Variants in ATPAF1 observed in about 807,000 individuals in gnomAD.
ATPAF1 encodes homolog of yeast ATP11.
Under a neutral mutation model 43.9 loss-of-function variants are expected in ATPAF1, and 26 were observed. The ratio of observed to expected loss-of-function variants is 0.59; its 90% CI spans 0.43 to 0.82. ATPAF1 has a LOEUF of 0.82. Among genes scored for constraint, ATPAF1 ranks in the 40% least tolerant of loss-of-function variants. The pLI, the probability that ATPAF1 is intolerant of heterozygous loss-of-function variation, is 0.00. For synonymous variants in ATPAF1, 157 were observed against 168.0 expected (o/e 0.93, Z 0.50); for missense variants, 366 against 435.0 (o/e 0.84, Z 1.41).
chr1:46,643,448 G>A (rs866190163), intron 7 of ATPAF1, 147 bp from the exon 8 acceptor site: 44 of 614,602 alleles, frequency 7.2e-5, no homozygotes, highest in African/African-American at 6.9e-4. Context: ...GTGGTGGTAA[G>A]GTCAGGCCTG....
intron 6 of ATPAF1, among the ~76,000 whole-genome samples, chr1:46,651,774 C>T (rs1469763434): frequency 6.6e-6 from 1 of 151,986 alleles, no homozygotes; most frequent in African/African-American, 2.4e-5. Flanking sequence ...ATTTTTGCAA[C>T]CTACTCATCT....
chr1:46,660,047 G>T (rs1225408028), intron 2 of ATPAF1, among the ~76,000 whole-genome samples: 2 of 151,682 alleles, frequency 1.3e-5, no homozygotes, highest in East Asian at 3.9e-4. Flanking sequence ...CACAATGTCG[G>T]CTCACTGCAA....
intron 4 of ATPAF1, among the ~76,000 whole-genome samples, chr1:46,657,279 T>C (rs1284611623): frequency 1.3e-5 from 2 of 152,278 alleles, no homozygotes; most frequent in East Asian, 1.9e-4. Flanking sequence ...CATGGAACTA[T>C]AAAGAATGCC....
chr1:46,635,942 T>C lies in ATPAF1; in HGVS notation c.821A>G (p.Asn274Ser), dbSNP rs756317833. The change falls in exon 9 of 9, where the codon AAC becomes AGC. Residue 274 changes from asparagine to serine, a missense_variant. Around this residue, in one of 2 missense-constraint regions of ATPAF1, gnomAD observed 180 missense variants for 266.5 expected, o/e 0.68. Transcript: ENST00000574428. ...AGTAGCGTAGAAGAGCTGAACTTGG[T>C]TGGCGATGCACTGTGCCTCAGCAAC... 28 of 1,614,144 alleles carry C rather than the reference T, an allele frequency of 1.7e-5. No homozygotes were observed. In the Admixed American group the frequency reaches 3.5e-4, roughly 20 times the overall value.
chr1:46,638,887 T>C (rs1438298274), intron 8 of ATPAF1, among the ~76,000 whole-genome samples: 4 of 152,188 alleles, frequency 2.6e-5, no homozygotes, highest in Non-Finnish European at 5.9e-5. Context: ...CTCCCTCTCT[T>C]TCAATTTTCA....
exon 7 of ATPAF1, chr1:46,645,185 G>C (rs752245809): frequency 6.2e-7 from 1 of 1,613,816 alleles, no homozygotes; most frequent in Non-Finnish European, 8.5e-7. Flanking sequence ...GTGCAGTGAA[G>C]TGGAGTTCAG....
intron 6 of ATPAF1, among the ~76,000 whole-genome samples, chr1:46,648,031 T>C (rs1385432845): frequency 6.6e-6 from 1 of 152,258 alleles, no homozygotes; most frequent in African/African-American, 2.4e-5. Flanking sequence ...ACCTTTTGGC[T>C]ATTGTGACTA....
intron 2 of ATPAF1, among the ~76,000 whole-genome samples, chr1:46,661,100 T>G (rs1425819606): frequency 2.0e-5 from 3 of 147,564 alleles, no homozygotes; most frequent in African/African-American, 5.0e-5. Flanking sequence ...GGAGACAGAG[T>G]CTCACTCTGT....
intron 2 of ATPAF1, among the ~76,000 whole-genome samples, chr1:46,664,254 C>T (rs1676450170): frequency 6.6e-6 from 1 of 152,172 alleles, no homozygotes; most frequent in Non-Finnish European, 1.5e-5. Flanking sequence ...ATATTAAGTA[C>T]TTATGCCAGA....
At chr1:46,667,103 G>A (rs2148828976) in intron 1 of ATPAF1, among the ~76,000 whole-genome samples, 1 of 152,270 alleles carries the variant, frequency 6.6e-6, no homozygotes, top group South Asian at 2.1e-4. Flanking sequence ...TGTTTCAAAT[G>A]GCAAGAAAGA....
chr1:46,658,620 C>T (rs1676324194), intron 3 of ATPAF1, 67 bp downstream of exon 3: 1 of 1,262,270 alleles, frequency 7.9e-7, no homozygotes, highest in Admixed American at 2.3e-5. Flanking sequence ...TTCAAATTTG[C>T]AGCCTCTTGT....
At chr1:46,663,001 C>T (rs1474233946) in intron 2 of ATPAF1, among the ~76,000 whole-genome samples, 1 of 151,820 alleles carries the variant, frequency 6.6e-6, no homozygotes, top group Non-Finnish European at 1.5e-5. Flanking sequence ...TCTCATTGTT[C>T]GATTCCCACC....
chr1:46,655,234 G>T (rs2148822621), intron 4 of ATPAF1, among the ~76,000 whole-genome samples: 1 of 152,192 alleles, frequency 6.6e-6, no homozygotes, highest in Admixed American at 6.5e-5. Flanking sequence ...ATGAGATTTG[G>T]GTGGGGACAC....
At chr1:46,665,545 C>T in intron 1 of ATPAF1, 181 bp from the exon 2 acceptor site, 1 of 1,224,984 alleles carries the variant, frequency 8.2e-7, no homozygotes, top group Non-Finnish European at 1.1e-6. Flanking sequence ...AAAAGAAATC[C>T]TGTTATTCAA....
chr1:46,666,100 C>A, intron 1 of ATPAF1: 1 of 193,552 alleles, frequency 5.2e-6, no homozygotes, highest in Non-Finnish European at 1.1e-5. Context: ...TGGGTGAGGT[C>A]TGGAGGACCC....
At chr1:46,652,417 A>C in intron 6 of ATPAF1, 164 bp downstream of exon 6, 1 of 617,098 alleles carries the variant, frequency 1.6e-6, no homozygotes, top group Non-Finnish European at 2.7e-6. Flanking sequence ...TTATTAAGTA[A>C]ACAGAGCACT....
chr1:46,648,043 T>C (rs1676075522), intron 6 of ATPAF1, among the ~76,000 whole-genome samples: 1 of 152,226 alleles, frequency 6.6e-6, no homozygotes, highest in Admixed American at 6.5e-5. Flanking sequence ...TTGTGACTAA[T>C]GTTGCTATGA....
chr1:46,651,606 A>C (rs12130488), intron 6 of ATPAF1, among the ~76,000 whole-genome samples: 506 of 152,176 alleles, frequency 3.3e-3, no homozygotes, highest in Non-Finnish European at 4.6e-3. Flanking sequence ...ACTAGTTTAC[A>C]GTCCCACCAA....
intron 8 of ATPAF1, among the ~76,000 whole-genome samples, chr1:46,638,298 G>T (rs780794161): frequency 2.6e-5 from 4 of 152,150 alleles, no homozygotes; most frequent in African/African-American, 4.8e-5. Context: ...GATTTTGTTT[G>T]GATAAAGGGG....
Sources: allele counts gnomAD v4.1 joint callset (sites outside exome capture counted in the v4.1 genomes callset), GRCh38; gene constraint gnomAD v4.1.1; regional missense constraint gnomAD v4.1.1; transcripts MANE v1.5; gene names NCBI Gene and HGNC (gene_info 2026-07-23, HGNC 2026-07-21).